Variants in PITPNM3 observed in about 807,000 individuals in gnomAD.
The protein encoded by PITPNM3 is membrane-associated phosphatidylinositol transfer protein 3.
Under a neutral mutation model 102.0 loss-of-function variants are expected in PITPNM3, and 26 were observed. That is an observed-to-expected ratio of 0.25 (90% CI 0.19 to 0.35). The LOEUF (loss-of-function observed/expected upper bound fraction) is 0.35. Among genes scored for constraint, PITPNM3 ranks in the 10% least tolerant of loss-of-function variants. PITPNM3 has a pLI of 1.00. For synonymous variants in PITPNM3, 578 were observed against 558.6 expected (o/e 1.03, Z -0.49); for missense variants, 1,083 against 1,346.1 (o/e 0.80, Z 3.06).
chr17:6,455,176 G>A lies in PITPNM3; in HGVS notation c.*162C>T. The stretch of plus-strand genomic sequence containing the variant: ...CCGTCGCAGCTCAGGGAGCCCCCCG[G>A]GCTCGGGCAGGATCCCTCCCCGCTC... On this transcript the variant is annotated 3_prime_UTR_variant, in exon 20 of 20. Transcript: ENST00000262483. 1.1e-6 allele frequency: 1 copy of A among 939,518 alleles called. No homozygotes were observed. Among genetic ancestry groups the A allele is most frequent in the Non-Finnish European group, 1.5e-6 (1 of 665,404 alleles). The allele number at this position is 939,518 out of a possible 1,614,324, so 58.2% of individuals were successfully genotyped here. A position where few individuals can be genotyped will look rare whatever the true frequency, so the allele number is the denominator to read the frequency against.
chr17:6,525,816 C>T (rs1337144991), intron 2 of PITPNM3, among the ~76,000 whole-genome samples: 2 of 152,190 alleles, frequency 1.3e-5, no homozygotes, highest in African/African-American at 4.8e-5. Context: ...AGCAGTTTTT[C>T]TTTAAATTAC....
intron 1 of PITPNM3, among the ~76,000 whole-genome samples, chr17:6,541,286 A>AGTGTGTGTGTGTGTGT (rs113549938): frequency 0.032 from 4,700 of 145,640 alleles, 79 homozygotes; most frequent in Non-Finnish European, 0.035. Context: ...ATATGCTAAG[A>AGTGTGTGTGTGTGTGT]GTGTGTGTGT....
intron 10 of PITPNM3, among the ~76,000 whole-genome samples, chr17:6,473,848 G>T (rs923086197): frequency 2.0e-5 from 3 of 151,936 alleles, no homozygotes; most frequent in Non-Finnish European, 4.4e-5. Flanking sequence ...GTCATGGTGG[G>T]TGCCTGTACT....
intron 1 of PITPNM3, among the ~76,000 whole-genome samples, chr17:6,555,521 G>A (rs1278151028): frequency 6.6e-6 from 1 of 152,178 alleles, no homozygotes; most frequent in East Asian, 1.9e-4. Flanking sequence ...CTACTGTATG[G>A]CCGGCCCTGT....
chr17:6,483,013 C>G (rs920069848), intron 6 of PITPNM3, among the ~76,000 whole-genome samples: 1 of 151,552 alleles, frequency 6.6e-6, no homozygotes, highest in Non-Finnish European at 1.5e-5. Context: ...GGTGCAATCT[C>G]GGTTTACTGC....
intron 1 of PITPNM3, among the ~76,000 whole-genome samples, chr17:6,540,388 T>C (rs1290248701): frequency 6.6e-6 from 1 of 152,200 alleles, no homozygotes; most frequent in Non-Finnish European, 1.5e-5. Context: ...CTTCCTCAAG[T>C]GTCTCTTATG....
At chr17:6,475,813 G>A (rs1194995273) in intron 9 of PITPNM3, among the ~76,000 whole-genome samples, 1 of 152,188 alleles carries the variant, frequency 6.6e-6, no homozygotes, top group Admixed American at 6.5e-5. Flanking sequence ...CAGGACTGTT[G>A]AGATTTTTCA....
At chr17:6,500,921 C>T (rs1011606630) in intron 4 of PITPNM3, among the ~76,000 whole-genome samples, 4 of 152,146 alleles carry the variant, frequency 2.6e-5, no homozygotes, top group Admixed American at 2.0e-4. Context: ...GGTGATCCAC[C>T]CACCTCAGCC....
chr17:6,505,921 T>C (rs1272876518), intron 3 of PITPNM3, among the ~76,000 whole-genome samples: 4 of 152,052 alleles, frequency 2.6e-5, no homozygotes, highest in African/African-American at 9.7e-5. Flanking sequence ...CCAAGGAAGC[T>C]TGTGCCAGAG....
intron 3 of PITPNM3, among the ~76,000 whole-genome samples, chr17:6,518,901 C>T (rs760144275): frequency 2.0e-5 from 3 of 152,184 alleles, no homozygotes; most frequent in Non-Finnish European, 4.4e-5. Flanking sequence ...AACATTGGAA[C>T]GTTTCCATCA....
chr17:6,502,834 T>A (rs8080040), intron 4 of PITPNM3, among the ~76,000 whole-genome samples: 1 of 151,908 alleles, frequency 6.6e-6, no homozygotes, highest in Admixed American at 6.6e-5. Context: ...CCAAGGAAGA[T>A]GTCCTGAGGT....
intron 1 of PITPNM3, among the ~76,000 whole-genome samples, chr17:6,541,680 C>T (rs1044608688): frequency 2.6e-5 from 4 of 152,014 alleles, no homozygotes; most frequent in Non-Finnish European, 4.4e-5. Flanking sequence ...GTGCTAGAGG[C>T]CACCTAGGTT....
Position 6,537,888 on chromosome 17 carries a change from G to A in PITPNM3, c.118+99C>T, listed in dbSNP as rs545173033. ...TGGAGTGTGGAGCTGCAGATACCAC[G>A]TCTGAGTGGGGAGGGATGCGGACCC... On this transcript the variant is annotated intron_variant, in intron 2 of 19. Transcript: ENST00000262483. The surrounding 1 kb of genome is among the most constrained non-coding windows in gnomAD (Gnocchi z 4.4). The A allele has an allele frequency of 3.9e-4, 388 of 987,802 alleles. No homozygotes were observed. The highest frequency in any genetic ancestry group is 5.5e-4 in the Non-Finnish European group (348 of 630,448). The allele number at this position is 987,802 out of a possible 1,614,324, so 61.2% of individuals were successfully genotyped here.
chr17:6,492,444 G>T (rs1467530483), intron 4 of PITPNM3, among the ~76,000 whole-genome samples: 2 of 152,194 alleles, frequency 1.3e-5, no homozygotes, highest in Non-Finnish European at 2.9e-5. Context: ...GTGAAATGTT[G>T]TCCTCCCCTC....
In PITPNM3 at chr17:6,477,109, C is replaced by T; in HGVS notation, c.1005G>A (p.Lys335=). 1 of 1,614,182 alleles carries T rather than the reference C, an allele frequency of 6.2e-7. No homozygotes were observed. The highest frequency in any genetic ancestry group is 2.2e-5 in the East Asian group (1 of 44,886). Residue 335 remains lysine (K), a synonymous_variant, in exon 9 of 20, where the codon AAG becomes AAA. Transcript: ENST00000262483. The part of the protein sequence containing the change: ...ISSGLEDEEP[K]RPLPRKQSDS... ...CGCTCTGTTTCCGCGGCAACGGCCT[C>T]TTGGGCTCCTCATCCTCCAACCCAC...
In PITPNM3 at chr17:6,469,240, C is replaced by T. The variant is rs890472114; in HGVS notation, c.1774-899G>A. ...TTTATCTGGAATCCTGATGTCTTCT[C>T]TAAGTTCCAGACTCCTCTACTCCCC... On this transcript the variant is annotated intron_variant, in intron 13 of 19. Coordinates refer to ENST00000262483, the MANE Select transcript of PITPNM3 (RefSeq NM_031220.4). This position sits in a 1 kb window ranked among gnomAD's most constrained non-coding sequence, Gnocchi z 4.0. Among the ~76,000 whole-genome samples, 11 of 152,162 alleles carry T rather than the reference C, an allele frequency of 7.2e-5. No homozygotes were observed. Among genetic ancestry groups the T allele is most frequent in the African/African-American group, 2.4e-4 (10 of 41,432 alleles).
chr17:6,506,771 C>T (rs897786488), intron 3 of PITPNM3, among the ~76,000 whole-genome samples: 7 of 152,170 alleles, frequency 4.6e-5, no homozygotes, highest in Admixed American at 1.3e-4. Flanking sequence ...TAGCTTGGCA[C>T]GTACACACAG....
In PITPNM3 at chr17:6,459,835, T is replaced by A. The variant is rs920977742; in HGVS notation, c.2490+1538A>T. On this transcript the variant is annotated intron_variant, in intron 18 of 19. Transcript: ENST00000262483. This position sits in a 1 kb window ranked among gnomAD's most constrained non-coding sequence, Gnocchi z 5.0. The stretch of plus-strand genomic sequence containing the variant: ...CTCGCTCCCTGCATCCAACCATCCC[T>A]GAGCCCCGACTATTCCACCTCCTAA... Among the ~76,000 whole-genome samples the A allele has an allele frequency of 6.6e-6, 1 of 152,066 alleles. No homozygotes were observed. Among genetic ancestry groups the A allele is most frequent in the Non-Finnish European group, 1.5e-5 (1 of 68,016 alleles).
At chr17:6,514,957 T>A (rs1908070923) in intron 3 of PITPNM3, among the ~76,000 whole-genome samples, 1 of 152,068 alleles carries the variant, frequency 6.6e-6, no homozygotes, top group African/African-American at 2.4e-5. Flanking sequence ...CGTGGATGAA[T>A]CCCAAAAACA....
Sources: gnomAD v4.1 joint callset for allele counts (sites outside exome capture counted in the v4.1 genomes callset) on GRCh38, gnomAD v4.1.1 for gene constraint, Gnocchi (gnomAD v3.1) non-coding constraint, MANE v1.5 for transcripts, NCBI Gene and HGNC (gene_info 2026-07-23, HGNC 2026-07-21) for gene names.